NEK5: variants seen among roughly 807,000 people sequenced by gnomAD.
The protein encoded by NEK5 is serine/threonine-protein kinase Nek5.
A neutral mutation model predicts 109.2 loss-of-function variants in NEK5; 88 were observed. The observed-to-expected ratio is 0.81, with a 90% CI of 0.68 to 0.96. The LOEUF (loss-of-function observed/expected upper bound fraction) is 0.96, where lower values mean the gene tolerates loss of function less well. Ranked by LOEUF, NEK5 falls within the 40% of genes least tolerant of loss-of-function variation. NEK5 has a pLI of 0.00. For missense variants in NEK5, 834 were observed against 920.7 expected (o/e 0.91, Z 1.22); for synonymous variants, 283 against 299.9 (o/e 0.94, Z 0.58).
intron 4 of NEK5, among the ~76,000 whole-genome samples, chr13:52,113,671 T>C (rs1175549301): frequency 1.3e-5 from 2 of 152,134 alleles, no homozygotes; most frequent in Non-Finnish European, 2.9e-5. Context: ...CAAAGGATGA[T>C]TATGTCTTCT....
rs1954856234 is a variant in NEK5, at chr13:52,075,788, A to C, written c.1692T>G (p.Ile564Met). Residue 564 changes from isoleucine to methionine, a missense_variant, in exon 19 of 24, where the codon ATT (isoleucine) becomes ATG (methionine). Coordinates refer to ENST00000684899, the MANE Select transcript of NEK5 (RefSeq NM_001365552.1). ...CCTCTTGGAGGATGTTTTCATCAGA[A>C]ATACATTTGTCTAAATTAATTTCAA... The part of the protein sequence containing the change: ...VKFEINLDKC[I>M]SDENILQEEE... The C allele has an allele frequency of 1.3e-6, 2 of 1,578,242 alleles. No homozygotes were observed. The highest frequency in any genetic ancestry group is 4.5e-5 in the East Asian group (2 of 44,418).
Position 52,112,290 on chromosome 13 carries a change from C to T in NEK5, c.290G>A (p.Gly97Asp), listed in dbSNP as rs763582658. 7 of 1,608,586 alleles carry T rather than the reference C, an allele frequency of 4.4e-6. No homozygotes were observed. Among genetic ancestry groups the T allele is most frequent in the South Asian group, 1.1e-5 (1 of 90,872 alleles). The change falls in exon 5 of 24, where the codon GGT becomes GAT. Residue 97 changes from glycine to aspartate, a missense_variant. Around this residue, in one of 2 missense-constraint regions of NEK5, gnomAD observed 777 missense variants for 824.7 expected, o/e 0.94. Transcript: ENST00000684899. ...DLMKRINRQR[G>D]VLFSEDQILG... ...TACCTGATCTTCACTAAATAACACA[C>T]CCCGTTGTCTATTGATCCTTTTCAT...
intron 16 of NEK5, 47 bp from the exon 17 acceptor site, chr13:52,083,399 C>T (rs201476899): frequency 1.9e-5 from 22 of 1,184,822 alleles, no homozygotes; most frequent in Non-Finnish European, 2.7e-5. Flanking sequence ...TCTGAGTGAG[C>T]TCTGAAGGCT....
intron 4 of NEK5, among the ~76,000 whole-genome samples, chr13:52,116,178 C>CAA (rs35020086): frequency 0.42 from 48,234 of 115,490 alleles, 11,654 homozygotes; most frequent in Non-Finnish European, 0.53. Flanking sequence ...AAGACTGTCT[C>CAA]AAAAAAAAAA....
chr13:52,063,997 G>T (rs1258421164), intron 21 of NEK5, among the ~76,000 whole-genome samples: 6 of 18,834 alleles, frequency 3.2e-4, no homozygotes, highest in African/African-American at 6.1e-4. Flanking sequence ...GGAGGGAGGT[G>T]GGGGGGGGGG....
At chr13:52,111,413 A>C (rs1955755694) in intron 5 of NEK5, among the ~76,000 whole-genome samples, 1 of 152,216 alleles carries the variant, frequency 6.6e-6, no homozygotes, top group Non-Finnish European at 1.5e-5. Flanking sequence ...GTTTCTATCA[A>C]TATGGAATTT....
At position 52,035,735 on chromosome 13, in the gene NEK5, T is replaced by C. The variant is rs980950132; in HGVS notation, c.*1213A>G. 4 of 152,154 alleles carry C rather than the reference T, an allele frequency of 2.6e-5. No homozygotes were observed. The highest frequency in any genetic ancestry group is 9.7e-5 in the African/African-American group (4 of 41,436). 9.4% of individuals were successfully genotyped at this position (152,154 alleles called of 1,614,324 possible). A position where few individuals can be genotyped will look rare whatever the true frequency, so the allele number is the denominator to read the frequency against. ...TAGTCCCTGCCCTCAACCTATACACTTGAAACTATTGGAAACTATTGAAAC... is the reference window on the plus strand; with the variant it reads ...TAGTCCCTGCCCTCAACCTATACACCTGAAACTATTGGAAACTATTGAAAC... On this transcript the variant is annotated 3_prime_UTR_variant, in exon 24 of 24. Coordinates refer to ENST00000684899, the MANE Select transcript of NEK5 (RefSeq NM_001365552.1).
At chr13:52,066,813 A>C (rs1392977653) in intron 20 of NEK5, among the ~76,000 whole-genome samples, 5 of 152,094 alleles carry the variant, frequency 3.3e-5, no homozygotes, top group Non-Finnish European at 7.4e-5. Context: ...CAAAAAAAAA[A>C]AAAAATGACC....
chr13:52,118,877 C>T (rs1444819086), intron 4 of NEK5, among the ~76,000 whole-genome samples: 1 of 152,160 alleles, frequency 6.6e-6, no homozygotes, highest in Non-Finnish European at 1.5e-5. Flanking sequence ...GTGTGGTGGG[C>T]TCTGTGTTTT....
intron 13 of NEK5, among the ~76,000 whole-genome samples, chr13:52,089,770 G>A (rs973930270): frequency 4.6e-5 from 7 of 151,958 alleles, no homozygotes; most frequent in African/African-American, 1.5e-4. Context: ...GGTGGATCAC[G>A]AGGTCAGGAG....
At chr13:52,096,902 G>A (rs1366255561) in intron 12 of NEK5, among the ~76,000 whole-genome samples, 2 of 152,196 alleles carry the variant, frequency 1.3e-5, no homozygotes, top group Non-Finnish European at 2.9e-5. Context: ...GCCTAGGAGG[G>A]AAGAATGGCT....
rs976106499 is a variant in NEK5, at chr13:52,089,274, T to C, written c.1248A>G (p.Gln416=). 1.9e-6 allele frequency: 3 copies of C among 1,606,918 alleles called. No homozygotes were observed. Among genetic ancestry groups the C allele is most frequent in the African/African-American group, 1.3e-5 (1 of 74,778 alleles). ...ATTGCTTCTCCACTTTCAACTTATATTGTTGAGCTTCAAATTTTCTCTGAA... is the reference window on the plus strand; with the variant it reads ...ATTGCTTCTCCACTTTCAACTTATACTGTTGAGCTTCAAATTTTCTCTGAA... ...EYLQRKFEAQ[Q]YKLKVEKQLG... Residue 416 remains glutamine (Q), a synonymous_variant, in exon 14 of 24, where the codon CAA becomes CAG. Transcript: ENST00000684899.
In NEK5 at chr13:52,037,059, A is replaced by G. The variant is rs945159946; in HGVS notation, c.2388T>C (p.Ser796=). The change falls in exon 24 of 24, where the codon TCT becomes TCC. Residue 796 remains serine, a synonymous_variant. Coordinates refer to ENST00000684899, the MANE Select transcript of NEK5 (RefSeq NM_001365552.1). ...TCTCCAAGCCCTCCCTTAATTCTTCAGATTTCTGCATACTTATCCCCTCTC... is the reference window on the plus strand; with the variant it reads ...TCTCCAAGCCCTCCCTTAATTCTTCGGATTTCTGCATACTTATCCCCTCTC... ...REREGISMQK[S]EELREGLENI... is the part of the protein sequence containing the mutation. 4.1e-6 allele frequency: 4 copies of G among 985,264 alleles called. No homozygotes were observed. The highest frequency in any genetic ancestry group is 3.6e-6 in the Non-Finnish European group (3 of 829,908). The allele number at this position is 985,264 out of a possible 1,614,324, so 61.0% of individuals were successfully genotyped here.
At chr13:52,076,379 T>C (rs1954869803) in intron 17 of NEK5, among the ~76,000 whole-genome samples, 2 of 152,200 alleles carry the variant, frequency 1.3e-5, no homozygotes, top group African/African-American at 2.4e-5. Context: ...TCCAGTCCAC[T>C]CCAGTCCAAC....
chr13:52,084,728 AGAGAGT>A (rs1193009972), intron 16 of NEK5, among the ~76,000 whole-genome samples: 12 of 127,830 alleles, frequency 9.4e-5, no homozygotes, highest in South Asian at 2.6e-4. Flanking sequence ...AGAGAGAGAG[AGAGAGT>A]GAGAGAGAGA....
Position 52,102,220 on chromosome 13 carries a change from A to T in NEK5, c.682T>A (p.Phe228Ile). Residue 228 changes from phenylalanine (F) to isoleucine (I), a missense_variant, in exon 10 of 24, where the codon TTT (phenylalanine) becomes ATT (isoleucine). Physicochemically the swap from Phe to Ile is conservative, Grantham distance 21. Transcript: ENST00000684899. The stretch of plus-strand genomic sequence containing the variant: ...ATCAAGGAATGGAGCTCACGAGAAA[A>T]CCCCGGAGATATTGGGGCAAAATGT... ...QAHFAPISPG[F>I]SRELHSLISQ... is the part of the protein sequence containing the mutation. 1 of 1,613,994 alleles carries T rather than the reference A, an allele frequency of 6.2e-7. No individual in the cohort carries two copies. The highest frequency in any genetic ancestry group is 1.3e-5 in the African/African-American group (1 of 75,030).
chr13:52,128,710 G>A (rs1956117657), intron 1 of NEK5, among the ~76,000 whole-genome samples: 1 of 152,100 alleles, frequency 6.6e-6, no homozygotes, highest in South Asian at 2.1e-4. Context: ...CTGAGGGCCC[G>A]CGACCCTCCC....
chr13:52,045,146 T>G (rs2140895804), intron 23 of NEK5, among the ~76,000 whole-genome samples: 1 of 148,238 alleles, frequency 6.7e-6, no homozygotes, highest in South Asian at 2.2e-4. Context: ...TTTTTTTTTT[T>G]TTTGAGACGG....
chr13:52,058,626 C>T (rs1463023571), intron 22 of NEK5, among the ~76,000 whole-genome samples: 4 of 152,028 alleles, frequency 2.6e-5, no homozygotes, highest in African/African-American at 7.2e-5. Flanking sequence ...TGGAACAGAA[C>T]AGAGCCCTCA....
Sources: gnomAD v4.1 joint callset for allele counts (sites outside exome capture counted in the v4.1 genomes callset) on GRCh38, gnomAD v4.1.1 for gene constraint, gnomAD v4.1.1 regional missense constraint, MANE v1.5 for transcripts, NCBI Gene and HGNC (gene_info 2026-07-23, HGNC 2026-07-21) for gene names.